TRAF6: variants seen among roughly 807,000 people sequenced by gnomAD.
TRAF6 encodes TNF receptor associated factor 6.
A neutral mutation model predicts 48.4 loss-of-function variants in TRAF6; 10 were observed. The ratio of observed to expected loss-of-function variants is 0.21; its 90% CI spans 0.13 to 0.35. The LOEUF (loss-of-function observed/expected upper bound fraction) is 0.35, where lower values mean the gene tolerates loss of function less well. Ranked by LOEUF, TRAF6 falls within the 10% of genes least tolerant of loss-of-function variation. TRAF6 has a pLI of 1.00. For missense variants in TRAF6, 397 were observed against 661.0 expected (o/e 0.60, Z 4.38); for synonymous variants, 186 against 219.6 (o/e 0.85, Z 1.35).
chr11:36,505,777 T>TA (rs1859776437), intron 1 of TRAF6, among the ~76,000 whole-genome samples: 1 of 152,224 alleles, frequency 6.6e-6, no homozygotes, highest in Non-Finnish European at 1.5e-5. Flanking sequence ...CTTGAACACT[T>TA]AGAGGCCATT....
At chr11:36,504,383 C>G (rs921159819) in intron 1 of TRAF6, among the ~76,000 whole-genome samples, 10 of 152,184 alleles carry the variant, frequency 6.6e-5, no homozygotes, top group African/African-American at 2.4e-4. Flanking sequence ...AGCATCCTCA[C>G]CAGGAGTTGA....
Position 36,492,617 on chromosome 11 carries a change from A to G in TRAF6, c.690T>C (p.His230=). The change falls in exon 6 of 7, where the codon CAT becomes CAC. Residue 230 remains histidine, a synonymous_variant. Coordinates refer to ENST00000526995, the MANE Select transcript of TRAF6 (RefSeq NM_004620.4). Reference sequence around the variant, plus strand: ...GGGCTGTAGGGCAGTCTAGATCATAATGATTAGGCATCTGAAATCCAAAAC... The same window carrying G: ...GGGCTGTAGGGCAGTCTAGATCATAGTGATTAGGCATCTGAAATCCAAAAC... ...TILIREQMPN[H]YDLDCPTAPI... is the part of the protein sequence containing the mutation. 1 of 1,607,632 alleles carries G rather than the reference A, an allele frequency of 6.2e-7. No individual in the cohort carries two copies. The highest frequency in any genetic ancestry group is 8.5e-7 in the Non-Finnish European group (1 of 1,178,248).
chr11:36,499,202 T>C (rs1177265350), intron 2 of TRAF6, among the ~76,000 whole-genome samples: 1 of 152,190 alleles, frequency 6.6e-6, no homozygotes, highest in Non-Finnish European at 1.5e-5. Context: ...TAGGGTCCAA[T>C]GTTACAGAAA....
chr11:36,492,697 T>C (rs961245409), intron 5 of TRAF6, 69 bp from the exon 6 acceptor site: 40 of 1,207,234 alleles, frequency 3.3e-5, no homozygotes, highest in Non-Finnish European at 4.2e-5. Flanking sequence ...TGCGATCACA[T>C]TTAAACTGTA....
At chr11:36,496,999 G>T in intron 4 of TRAF6, 109 bp downstream of exon 4, 1 of 1,148,538 alleles carries the variant, frequency 8.7e-7, no homozygotes, top group Non-Finnish European at 1.2e-6. Context: ...TGATAATGTA[G>T]ACTCAGAGTC....
intron 3 of TRAF6, among the ~76,000 whole-genome samples, chr11:36,497,901 T>C (rs1447773926): frequency 6.6e-6 from 1 of 151,774 alleles, no homozygotes; most frequent in African/African-American, 2.4e-5. Context: ...TTTTTTTTTT[T>C]TGAGGCAGAG....
intron 3 of TRAF6, among the ~76,000 whole-genome samples, 193 bp downstream of exon 3, chr11:36,498,297 A>G (rs182138645): frequency 6.6e-5 from 10 of 152,350 alleles, no homozygotes; most frequent in African/African-American, 2.2e-4. Context: ...CAGAGTAGAT[A>G]AAACAGTATA....
chr11:36,508,579 A>C (rs1859841956), intron 1 of TRAF6, among the ~76,000 whole-genome samples: 1 of 152,200 alleles, frequency 6.6e-6, no homozygotes, highest in Non-Finnish European at 1.5e-5. Context: ...GTCAATTTTA[A>C]GTCAACTGAA....
intron 1 of TRAF6, among the ~76,000 whole-genome samples, chr11:36,502,057 A>G (rs142347644): frequency 6.6e-6 from 1 of 152,222 alleles, no homozygotes; most frequent in African/African-American, 2.4e-5. Context: ...TAGTATGGCT[A>G]GCAGCTCAGT....
Position 36,501,524 on chromosome 11 carries a change from G to C in TRAF6, c.-9C>G. 6.3e-7 allele frequency: 1 copy of C among 1,588,264 alleles called. No homozygotes were observed. The highest frequency in any genetic ancestry group is 8.6e-7 in the Non-Finnish European group (1 of 1,164,520). ...CAGTTTAGCAGACTCATAGTAACTT[G>C]ATTATCACTTGCTCTGTAGAAATAG... On this transcript the variant is annotated 5_prime_UTR_variant, in exon 2 of 7. The change creates a new upstream start codon in the 5' untranslated region. Coordinates refer to ENST00000526995, the MANE Select transcript of TRAF6 (RefSeq NM_004620.4).
rs1859716309 is a variant in TRAF6 at position 36,501,536 on chromosome 11, C to T, written c.-21G>A. Reference sequence around the variant, plus strand: ...CTCATAGTAACTTGATTATCACTTGCTCTGTAGAAATAGCAAGAAAAAAAT... The same window carrying T: ...CTCATAGTAACTTGATTATCACTTGTTCTGTAGAAATAGCAAGAAAAAAAT... On this transcript the variant is annotated splice_region_variant and 5_prime_UTR_variant, in exon 2 of 7. Transcript: ENST00000526995. 2.5e-6 allele frequency: 4 copies of T among 1,569,530 alleles called. No homozygotes were observed. The highest frequency in any genetic ancestry group is 2.6e-6 in the Non-Finnish European group (3 of 1,156,142).
At chr11:36,494,734 A>G (rs5030466) in intron 5 of TRAF6, among the ~76,000 whole-genome samples, 21 of 151,850 alleles carry the variant, frequency 1.4e-4, no homozygotes, top group Non-Finnish European at 2.5e-4. Flanking sequence ...TTATGAATAT[A>G]CAAAAGCACA....
rs1227191019 is a variant in TRAF6, at chr11:36,488,036, T to C, written c.*1802A>G. On this transcript the variant is annotated 3_prime_UTR_variant, in exon 7 of 7. Coordinates refer to ENST00000526995, the MANE Select transcript of TRAF6 (RefSeq NM_004620.4). ...TTCTACGCAAATACAAAAATACTAC[T>C]GTTCAGTTTTTAAATGGAACTTGAC... 1 of 152,222 alleles carries C rather than the reference T, an allele frequency of 6.6e-6. No individual in the cohort carries two copies. The highest frequency in any genetic ancestry group is 1.5e-5 in the Non-Finnish European group (1 of 68,042). The allele number at this position is 152,222 out of a possible 1,614,324, so 9.4% of individuals were successfully genotyped here.
At chr11:36,491,141 ATAT>A (rs1859557549) in intron 6 of TRAF6, among the ~76,000 whole-genome samples, 1 of 118,710 alleles carries the variant, frequency 8.4e-6, no homozygotes, top group Non-Finnish European at 1.7e-5. Context: ...TCTCTAGTTA[ATAT>A]TAATACCATT....
chr11:36,506,825 C>T (rs945389731), intron 1 of TRAF6, among the ~76,000 whole-genome samples: 3 of 152,126 alleles, frequency 2.0e-5, no homozygotes, highest in African/African-American at 7.2e-5. Context: ...TTTCTATTTT[C>T]CAAATAAACT....
In TRAF6 at chr11:36,497,274, T is replaced by TA. The variant is rs3830511; in HGVS notation, c.448-9dup. On this transcript the variant is annotated splice_polypyrimidine_tract_variant and intron_variant, in intron 3 of 6. Coordinates refer to ENST00000526995, the MANE Select transcript of TRAF6 (RefSeq NM_004620.4). ...ACAATGTGCTTGATGATCCTATAAT[T>TA]AAAAAAATAATGGATTAGCATTAGC... 1,319,650 of 1,591,132 alleles carry TA rather than the reference T, an allele frequency of 0.83. 549,644 individuals are homozygous for TA. Among genetic ancestry groups the TA allele is most frequent in the Admixed American group, 0.88 (48,889 of 55,572 alleles).
At chr11:36,493,400 A>G (rs1187077817) in intron 5 of TRAF6, among the ~76,000 whole-genome samples, 1 of 152,158 alleles carries the variant, frequency 6.6e-6, no homozygotes, top group African/African-American at 2.4e-5. Context: ...GGGGCCAATA[A>G]AATTTTTTGT....
At chr11:36,505,703 T>C (rs1022337410) in intron 1 of TRAF6, among the ~76,000 whole-genome samples, 3 of 152,248 alleles carry the variant, frequency 2.0e-5, no homozygotes, top group Non-Finnish European at 4.4e-5. Context: ...ATGTGCCTTC[T>C]TCAGTAAGCA....
chr11:36,499,744 G>A (rs1321746130), intron 2 of TRAF6, among the ~76,000 whole-genome samples: 1 of 151,928 alleles, frequency 6.6e-6, no homozygotes, highest in Admixed American at 6.6e-5. Context: ...GAGTATGGAT[G>A]TAGTTACTCT....
Sources: gnomAD v4.1 joint callset for allele counts (sites outside exome capture counted in the v4.1 genomes callset) on GRCh38, gnomAD v4.1.1 for gene constraint, MANE v1.5 for transcripts, NCBI Gene and HGNC (gene_info 2026-07-23, HGNC 2026-07-21) for gene names.